Variants in REEP1 observed in about 807,000 individuals in gnomAD.
REEP1 encodes the protein receptor accessory protein 1.
REEP1 carries 22 observed loss-of-function variants against 40.3 expected under a neutral mutation model. The ratio of observed to expected loss-of-function variants is 0.55; its 90% CI spans 0.39 to 0.78. The LOEUF is 0.78. Ranked by LOEUF, REEP1 falls within the 30% of genes least tolerant of loss-of-function variation. The pLI, the probability that REEP1 is intolerant of heterozygous loss-of-function variation, is 0.00. For synonymous variants in REEP1, 116 were observed against 139.2 expected (o/e 0.83, Z 1.17); for missense variants, 280 against 361.1 (o/e 0.78, Z 1.82).
intron 1 of REEP1, among the ~76,000 whole-genome samples, chr2:86,294,932 GT>G (rs1023597134): frequency 1.3e-5 from 2 of 152,130 alleles, no homozygotes; most frequent in Non-Finnish European, 2.9e-5. Flanking sequence ...GAAGGGGAGG[GT>G]GGGACTATGT....
chr2:86,278,714 CA>C (rs1231278820), intron 2 of REEP1, among the ~76,000 whole-genome samples: 1 of 152,150 alleles, frequency 6.6e-6, no homozygotes, highest in African/African-American at 2.4e-5. Context: ...GGGGATGCCT[CA>C]AAAGCACAAG....
In REEP1 at chr2:86,251,929, T is replaced by C. The variant is rs745777528; in HGVS notation, c.417+28A>G. 9 of 1,474,592 alleles carry C rather than the reference T, an allele frequency of 6.1e-6. 1 individual carries two copies. The South Asian group carries it at 9.1e-5, about 15-fold the overall frequency. 91.3% of individuals were successfully genotyped at this position (1,474,592 alleles called of 1,614,324 possible). A position where few individuals can be genotyped will look rare whatever the true frequency, so the allele number is the denominator to read the frequency against. On this transcript the variant is annotated intron_variant, in intron 5 of 8. Coordinates refer to ENST00000538924, the MANE Select transcript of REEP1 (RefSeq NM_001371279.1). Reference sequence around the variant, plus strand: ...GGCACACTAGAGGGACTGAGACTCATGTAGTTGTGGTACTTCCAGCACAGT... The same window carrying C: ...GGCACACTAGAGGGACTGAGACTCACGTAGTTGTGGTACTTCCAGCACAGT...
At position 86,308,957 on chromosome 2, in the gene REEP1, G is replaced by A. The variant is rs563249340; in HGVS notation, c.33-26715C>T. On this transcript the variant is annotated intron_variant, in intron 1 of 8. Coordinates refer to ENST00000538924, the MANE Select transcript of REEP1 (RefSeq NM_001371279.1). The stretch of plus-strand genomic sequence containing the variant: ...GGCCAGGCCATGTGTCTGCCACCTC[G>A]GCATTCTCCAGTGTCTCCATCACTC... Among the ~76,000 whole-genome samples the A allele has an allele frequency of 1.5e-3, 225 of 152,210 alleles. 1 individual carries two copies. The highest frequency in any genetic ancestry group is 2.6e-3 in the Non-Finnish European group (177 of 68,022).
At chr2:86,275,113 C>T (rs889409945) in intron 2 of REEP1, among the ~76,000 whole-genome samples, 2 of 152,148 alleles carry the variant, frequency 1.3e-5, no homozygotes, top group Admixed American at 1.3e-4. Context: ...GCGCTTCAGC[C>T]TCACAGGGAA....
rs1674106902 is a variant in REEP1 at position 86,216,242 on chromosome 2, G to A, written c.*797C>T. On this transcript the variant is annotated 3_prime_UTR_variant, in exon 9 of 9. Coordinates refer to ENST00000538924, the MANE Select transcript of REEP1 (RefSeq NM_001371279.1). ...GCCTATCCCTGGAAAAGATTCAGAA[G>A]CTCCTAATCCAGAATCCAGGGAGGA... 6.6e-6 allele frequency: 1 copy of A among 152,194 alleles called. No individual in the cohort carries two copies. 9.4% of individuals were successfully genotyped at this position (152,194 alleles called of 1,614,324 possible). A position where few individuals can be genotyped will look rare whatever the true frequency, so the allele number is the denominator to read the frequency against.
At chr2:86,263,043 T>C (rs1676946632) in intron 3 of REEP1, among the ~76,000 whole-genome samples, 1 of 152,256 alleles carries the variant, frequency 6.6e-6, no homozygotes. Flanking sequence ...TTATGCTCCA[T>C]CTATGCCATG....
chr2:86,261,243 A>G (rs1676836992), intron 3 of REEP1, among the ~76,000 whole-genome samples: 1 of 152,186 alleles, frequency 6.6e-6, no homozygotes, highest in Non-Finnish European at 1.5e-5. Flanking sequence ...TTGACTACAC[A>G]GTCTTGACTG....
At chr2:86,285,482 C>A (rs554780951) in intron 1 of REEP1, among the ~76,000 whole-genome samples, 9 of 152,190 alleles carry the variant, frequency 5.9e-5, no homozygotes, top group Non-Finnish European at 1.0e-4. Context: ...TGTACTCACT[C>A]TTTCAATTAA....
chr2:86,303,321 A>G (rs1285005176), intron 1 of REEP1, among the ~76,000 whole-genome samples: 1 of 138,302 alleles, frequency 7.2e-6, no homozygotes, highest in Non-Finnish European at 1.5e-5. Flanking sequence ...GGTTCAAGTG[A>G]TTCTCGTGCC....
chr2:86,258,627 G>A (rs1676694050), intron 3 of REEP1, among the ~76,000 whole-genome samples: 1 of 152,198 alleles, frequency 6.6e-6, no homozygotes, highest in African/African-American at 2.4e-5. Flanking sequence ...GATCCACTCA[G>A]ACCCTGTGTC....
chr2:86,322,478 T>C (rs948585806), intron 1 of REEP1, among the ~76,000 whole-genome samples: 3 of 152,088 alleles, frequency 2.0e-5, no homozygotes, highest in African/African-American at 7.2e-5. Flanking sequence ...CTTCCTGAGT[T>C]TAAGCATCTT....
At chr2:86,333,682 T>C (rs568685092) in intron 1 of REEP1, among the ~76,000 whole-genome samples, 1 of 152,304 alleles carries the variant, frequency 6.6e-6, no homozygotes, top group East Asian at 1.9e-4. Flanking sequence ...CAGAGCAACG[T>C]TGGTATCCCC....
intron 2 of REEP1, among the ~76,000 whole-genome samples, chr2:86,271,900 G>A (rs1268417462): frequency 1.3e-5 from 2 of 152,140 alleles, no homozygotes; most frequent in African/African-American, 4.8e-5. Context: ...TTCAATTAGA[G>A]CAAAAGGACA....
intron 1 of REEP1, among the ~76,000 whole-genome samples, chr2:86,312,813 T>C (rs1679822707): frequency 6.6e-6 from 1 of 152,224 alleles, no homozygotes; most frequent in South Asian, 2.1e-4. Flanking sequence ...AAATTATGTG[T>C]CAACAAACAT....
chr2:86,290,756 G>A (rs573139902), intron 1 of REEP1, among the ~76,000 whole-genome samples: 12 of 152,258 alleles, frequency 7.9e-5, no homozygotes, highest in South Asian at 6.2e-4. Context: ...CGTCACTCAC[G>A]ATGGTTCTCT....
At chr2:86,247,678 C>T (rs1676048018) in intron 5 of REEP1, among the ~76,000 whole-genome samples, 1 of 152,026 alleles carries the variant, frequency 6.6e-6, no homozygotes, top group South Asian at 2.1e-4. Flanking sequence ...TCAAGTGATT[C>T]TCCTGCCTCA....
At chr2:86,223,754 T>G (rs1413521363) in intron 7 of REEP1, 1 of 149,930 alleles carries the variant, frequency 6.7e-6, no homozygotes, top group Non-Finnish European at 1.5e-5. Context: ...TCTCTCTCTC[T>G]CTCTCTCTGA....
intron 2 of REEP1, among the ~76,000 whole-genome samples, chr2:86,269,657 A>C (rs1166654591): frequency 6.6e-6 from 1 of 152,152 alleles, no homozygotes; most frequent in Admixed American, 6.5e-5. Context: ...CCTTCCTCCC[A>C]GCAAAGGACA....
intron 1 of REEP1, among the ~76,000 whole-genome samples, chr2:86,283,012 C>T (rs1678182145): frequency 6.6e-6 from 1 of 152,154 alleles, no homozygotes; most frequent in Non-Finnish European, 1.5e-5. Context: ...TTCCTTCCCC[C>T]TTCTTTATCT....
Sources: gnomAD v4.1 joint callset for allele counts (sites outside exome capture counted in the v4.1 genomes callset) on GRCh38, gnomAD v4.1.1 for gene constraint, MANE v1.5 for transcripts, NCBI Gene and HGNC (gene_info 2026-07-23, HGNC 2026-07-21) for gene names.